The following PKHD1L1 variants were observed in gnomAD, a reference collection of about 807,000 sequenced individuals.
PKHD1L1 encodes fibrocystin-L.
A neutral mutation model predicts 462.9 loss-of-function variants in PKHD1L1; 434 were observed. The observed-to-expected ratio is 0.94, with a 90% CI of 0.87 to 1.02. The LOEUF (loss-of-function observed/expected upper bound fraction) is 1.02. PKHD1L1 is among the 50% of genes least tolerant of loss of function. The pLI is 0.00. For synonymous variants in PKHD1L1, 1,781 were observed against 1,750.0 expected, an observed-to-expected ratio of 1.02 and a Z score of -0.44; for missense variants, 5,202 against 5,096.1, an observed-to-expected ratio of 1.02 and a Z score of -0.63.
At position 109,479,585 on chromosome 8, in the gene PKHD1L1, C is replaced by A. The variant is rs573014201; in HGVS notation, c.9124C>A (p.Arg3042=). 5 of 1,535,938 alleles carry A rather than the reference C, an allele frequency of 3.3e-6. No individual in the cohort carries two copies. In the East Asian group the frequency reaches 9.1e-5, roughly 28 times the overall value. The change falls in exon 54 of 78, where the codon CGA becomes AGA. Residue 3042 remains arginine (R), a synonymous_variant. Transcript: ENST00000378402. ...AAATGATTCTTTTTGGCAATCATCA[C>A]GAGAAAATAATTATACTGTACCTCA... ...WSNDSFWQSS[R]ENNYTVPHPG...
intron 56 of PKHD1L1, 36 bp from the exon 57 acceptor site, chr8:109,482,950 TG>T (rs1356712602): frequency 7.5e-7 from 1 of 1,341,424 alleles, no homozygotes. Flanking sequence ...CTCAGTACTG[TG>T]GGGTGAATAA....
intron 2 of PKHD1L1, among the ~76,000 whole-genome samples, chr8:109,374,396 C>T (rs1369811682): frequency 2.0e-5 from 3 of 152,144 alleles, no homozygotes; most frequent in African/African-American, 7.2e-5. Context: ...ATGTGTGTCT[C>T]TGCACATGAG....
rs1816941609 is a variant in PKHD1L1, at chr8:109,458,524, A to G, written c.7005-1071A>G. Among the ~76,000 whole-genome samples, 5 of 152,196 alleles carry G rather than the reference A, an allele frequency of 3.3e-5. No homozygotes were observed. The South Asian group carries it at 1.0e-3, about 32-fold the overall frequency. On this transcript the variant is annotated intron_variant, in intron 46 of 77. Transcript: ENST00000378402. ...AGACAAGTCAGTGGAAGGGACAGAA[A>G]GGTAGATATCTCATAGGACTGCAGC...
chr8:109,486,526 A>G (rs1044067120), intron 58 of PKHD1L1, 122 bp from the exon 59 acceptor site: 2 of 743,908 alleles, frequency 2.7e-6, no homozygotes, highest in Non-Finnish European at 4.3e-6. Flanking sequence ...TGTAAATGTA[A>G]TCATGCATTC....
At chr8:109,524,586 A>G (rs1820720984) in intron 76 of PKHD1L1, among the ~76,000 whole-genome samples, 1 of 152,208 alleles carries the variant, frequency 6.6e-6, no homozygotes, top group Non-Finnish European at 1.5e-5. Context: ...CAATGTTCCA[A>G]AAGTACCCAG....
At chr8:109,478,580 G>A (rs1818117410) in intron 53 of PKHD1L1, among the ~76,000 whole-genome samples, 1 of 152,076 alleles carries the variant, frequency 6.6e-6, no homozygotes, top group African/African-American at 2.4e-5. Flanking sequence ...CGTGAAGGGT[G>A]GGAGAAACCT....
At chr8:109,384,411 C>A (rs1380833119) in intron 5 of PKHD1L1, among the ~76,000 whole-genome samples, 1 of 151,868 alleles carries the variant, frequency 6.6e-6, no homozygotes, top group African/African-American at 2.4e-5. Context: ...GGCTTGGTGG[C>A]AAGCACCTTT....
Position 109,443,011 on chromosome 8 carries a change from G to T in PKHD1L1, c.4459G>T (p.Ala1487Ser), listed in dbSNP as rs1815897652. The T allele has an allele frequency of 6.2e-7, 1 of 1,613,444 alleles. No homozygotes were observed. Among genetic ancestry groups the T allele is most frequent in the South Asian group, 1.1e-5 (1 of 91,068 alleles). Residue 1487 changes from alanine (A) to serine (S), a missense_variant, in exon 36 of 78, where the codon GCT (alanine) becomes TCT (serine). By Grantham distance (99) the Ala-to-Ser change is moderately conservative (BLOSUM62 1). This residue lies in a region of PKHD1L1 where 4,497 missense variants were observed against 4,336.8 expected (regional missense o/e 1.04). Transcript: ENST00000378402. ...TTATAGCAGCGGGTATGTTGATGAG[G>T]CTCACTCCATTTTTCTCCAAGGAGT... ...HYYSSGYVDEAHSIFLQGVIN... is the reference protein window; with the variant it reads ...HYYSSGYVDESHSIFLQGVIN...
Position 109,491,874 on chromosome 8 carries a change from C to A in PKHD1L1, c.10116C>A (p.Gly3372=). 1 of 1,593,354 alleles carries A rather than the reference C, an allele frequency of 6.3e-7. No individual in the cohort carries two copies. The highest frequency in any genetic ancestry group is 8.6e-7 in the Non-Finnish European group (1 of 1,166,068). The part of the protein sequence containing the change: ...DNIIHFTVGE[G]IRIWGNANRV... ...TTCTTTTTTTCTTTTTTTAAACAGG[C>A]ATAAGAATATGGGGGAATGCCAACC... is the stretch of plus-strand genomic sequence containing the variant. Residue 3372 remains glycine, a splice_region_variant and synonymous_variant, in exon 62 of 78, where the codon GGC becomes GGA. Transcript: ENST00000378402.
intron 4 of PKHD1L1, 45 bp from the exon 5 acceptor site, chr8:109,384,025 A>T: frequency 7.6e-7 from 1 of 1,315,046 alleles, no homozygotes; most frequent in Non-Finnish European, 1.1e-6. Flanking sequence ...AAAACTAGAA[A>T]CAAAACAGAG....
Position 109,401,543 on chromosome 8 carries a change from G to T in PKHD1L1, c.1328G>T (p.Ser443Ile), listed in dbSNP as rs1813274756. 5 of 1,595,054 alleles carry T rather than the reference G, an allele frequency of 3.1e-6. No homozygotes were observed. The highest frequency in any genetic ancestry group is 4.3e-6 in the Non-Finnish European group (5 of 1,164,502). The change falls in exon 14 of 78, where the codon AGT (serine) becomes ATT (isoleucine). Residue 443 changes from serine (S) to isoleucine (I), a missense_variant. Around this residue, in one of 3 missense-constraint regions of PKHD1L1, gnomAD observed 4,497 missense variants for 4,336.8 expected, o/e 1.04. Coordinates refer to ENST00000378402, the MANE Select transcript of PKHD1L1 (RefSeq NM_177531.6). ...HSANANSYFS[S>I]PTQRSDDIHL... ...GCTAATGCCAACAGTTATTTTTCCA[G>T]TCCAACACAAAGATCAGATGATATT...
intron 69 of PKHD1L1, 83 bp from the exon 70 acceptor site, chr8:109,508,014 C>T: frequency 6.8e-7 from 1 of 1,479,750 alleles, no homozygotes. Flanking sequence ...CTTAAACTAG[C>T]ATAACAAGAA....
chr8:109,518,626 A>C, intron 73 of PKHD1L1, 118 bp downstream of exon 73: 1 of 808,624 alleles, frequency 1.2e-6, no homozygotes, highest in Non-Finnish European at 1.9e-6. Flanking sequence ...CCACATCCTG[A>C]ACCCTCTAAG....
chr8:109,401,425 T>C, intron 13 of PKHD1L1, 72 bp from the exon 14 acceptor site: 2 of 780,058 alleles, frequency 2.6e-6, no homozygotes, highest in East Asian at 2.8e-5. Flanking sequence ...TAATAAATGA[T>C]AAATAAATAA....
chr8:109,416,198 T>A (rs1053698214), intron 21 of PKHD1L1, among the ~76,000 whole-genome samples: 1 of 152,220 alleles, frequency 6.6e-6, no homozygotes, highest in Admixed American at 6.5e-5. Flanking sequence ...ATGCTTCATA[T>A]ATTCCTTAGG....
intron 76 of PKHD1L1, 89 bp downstream of exon 76, chr8:109,523,475 C>G (rs1586666647): frequency 7.9e-7 from 1 of 1,260,660 alleles, no homozygotes; most frequent in East Asian, 2.4e-5. Flanking sequence ...TTCTGTAACA[C>G]TCTGGTCAAT....
chr8:109,413,278 T>C, intron 20 of PKHD1L1, 143 bp from the exon 21 acceptor site: 1 of 575,778 alleles, frequency 1.7e-6, no homozygotes, highest in Non-Finnish European at 2.6e-6. Flanking sequence ...TGGCTGAAAT[T>C]AATCATTTAT....
intron 19 of PKHD1L1, 71 bp downstream of exon 19, chr8:109,410,049 T>A (rs1160554132): frequency 2.4e-6 from 2 of 848,082 alleles, no homozygotes; most frequent in African/African-American, 3.6e-5. Context: ...ATTTTATAAT[T>A]TCTCTTCTGA....
chr8:109,368,654 A>C (rs988108897), intron 2 of PKHD1L1, among the ~76,000 whole-genome samples: 1 of 152,152 alleles, frequency 6.6e-6, no homozygotes, highest in Admixed American at 6.5e-5. Context: ...TACACTTTCA[A>C]CAGTGCTTTT....
Sources: allele counts gnomAD v4.1 joint callset (sites outside exome capture counted in the v4.1 genomes callset), GRCh38; gene constraint gnomAD v4.1.1; regional missense constraint gnomAD v4.1.1; transcripts MANE v1.5; gene names NCBI Gene and HGNC (gene_info 2026-07-23, HGNC 2026-07-21).